DRG1: variants seen among roughly 807,000 people sequenced by gnomAD.
The protein encoded by DRG1 is developmentally regulated GTP binding protein 1.
In DRG1, 19 loss-of-function variants were observed where a neutral mutation model predicts 38.8. The observed-to-expected ratio is 0.49, with a 90% confidence interval of 0.34 to 0.72. DRG1 has a LOEUF of 0.72. Ranked by LOEUF, DRG1 falls within the 30% of genes least tolerant of loss-of-function variation. DRG1 has a pLI of 0.01. For synonymous variants in DRG1, 167 were observed against 157.5 expected, an observed-to-expected ratio of 1.06 and a Z score of -0.45; for missense variants, 299 against 444.8, an observed-to-expected ratio of 0.67 and a Z score of 2.95.
At chr22:31,411,144 T>C in intron 4 of DRG1, 63 bp downstream of exon 4, 1 of 1,560,938 alleles carries the variant, frequency 6.4e-7, no homozygotes, top group Non-Finnish European at 8.8e-7. Context: ...ATTCTTTTAG[T>C]CAGGGACTAC....
intron 4 of DRG1, among the ~76,000 whole-genome samples, chr22:31,417,942 G>A (rs972168796): frequency 2.0e-5 from 3 of 146,794 alleles, no homozygotes; most frequent in African/African-American, 5.1e-5. Context: ...AGCTGAGGTC[G>A]CACCAATGCA....
intron 8 of DRG1, among the ~76,000 whole-genome samples, chr22:31,429,202 T>C (rs2050126814): frequency 6.6e-6 from 1 of 152,170 alleles, no homozygotes; most frequent in Non-Finnish European, 1.5e-5. Context: ...CACTGCAACC[T>C]CTGGCTCCTG....
chr22:31,417,243 G>A (rs577361163), intron 4 of DRG1, among the ~76,000 whole-genome samples: 16 of 149,646 alleles, frequency 1.1e-4, no homozygotes, highest in Admixed American at 3.3e-4. Context: ...GGTGGTGCGC[G>A]CCTGTAGTCC....
intron 2 of DRG1, among the ~76,000 whole-genome samples, chr22:31,402,314 C>G (rs558901256): frequency 6.6e-6 from 1 of 151,920 alleles, no homozygotes; most frequent in South Asian, 2.1e-4. Context: ...AAAAGAAAAC[C>G]CAGTCAGTCA....
rs1436523893 is a variant in DRG1, at chr22:31,423,303, T to C, written c.606T>C (p.Ala202=). 3 of 1,614,118 alleles carry C rather than the reference T, an allele frequency of 1.9e-6. No homozygotes were observed. The highest frequency in any genetic ancestry group is 1.7e-6 in the Non-Finnish European group (2 of 1,180,022). ...TATCPQSELD[A]ETVKSILAEY... is the part of the protein sequence containing the mutation. ...AGTGCCCCCAGAGTGAGCTGGATGCTGAAACTGTGAAGAGCATTCTGGCTG... is the reference window on the plus strand; with the variant it reads ...AGTGCCCCCAGAGTGAGCTGGATGCCGAAACTGTGAAGAGCATTCTGGCTG... The change falls in exon 6 of 9, where the codon GCT becomes GCC. Residue 202 remains alanine, a synonymous_variant. Coordinates refer to ENST00000331457, the MANE Select transcript of DRG1 (RefSeq NM_004147.4).
chr22:31,420,261 C>T lies in DRG1; in HGVS notation c.418C>T (p.Arg140Ter), dbSNP rs1459583728. 1 of 1,613,418 alleles carries T rather than the reference C, an allele frequency of 6.2e-7. No individual in the cohort carries two copies. Among genetic ancestry groups the T allele is most frequent in the Non-Finnish European group, 8.5e-7 (1 of 1,179,612 alleles). ...GRGRQVIAVA[R>*]TCNLILIVLD... ...GTTTTTTTCTTACTCTTCAGTGGCC[C>T]GAACCTGTAACTTGATCTTGATTGT... is the stretch of plus-strand genomic sequence containing the variant. Residue 140 changes from arginine (R) to a stop codon, truncating the protein, a stop_gained, in exon 5 of 9, where the codon CGA becomes TGA. Transcript: ENST00000331457. LOFTEE classifies it high-confidence loss of function.
chr22:31,423,256 T>C, intron 5 of DRG1, 24 bp from the exon 6 acceptor site: 1 of 1,612,606 alleles, frequency 6.2e-7, no homozygotes, highest in South Asian at 1.1e-5. Flanking sequence ...TTGTGCTGAC[T>C]AGTCATCTGC....
chr22:31,416,136 C>T (rs1390468418), intron 4 of DRG1, among the ~76,000 whole-genome samples: 2 of 152,018 alleles, frequency 1.3e-5, no homozygotes, highest in East Asian at 3.9e-4. Context: ...CGGCAAAACC[C>T]GATCTCTACT....
chr22:31,422,201 G>C (rs2050080958), intron 5 of DRG1, among the ~76,000 whole-genome samples: 1 of 152,104 alleles, frequency 6.6e-6, no homozygotes, highest in South Asian at 2.1e-4. Flanking sequence ...GGAGGCCGAA[G>C]TGGGCAGATT....
At position 31,423,333 on chromosome 22, in the gene DRG1, C is replaced by T; in HGVS notation, c.636C>T (p.Tyr212=). 1 of 1,614,012 alleles carries T rather than the reference C, an allele frequency of 6.2e-7. No homozygotes were observed. Among genetic ancestry groups the T allele is most frequent in the Middle Eastern group, 1.6e-4 (1 of 6,062 alleles). ...AETVKSILAE[Y]KIHNADVTLR... ...CTGTGAAGAGCATTCTGGCTGAATA[C>T]AAGATTCATAATGCCGATGTGACTC... Residue 212 remains tyrosine, a synonymous_variant, in exon 6 of 9, where the codon TAC becomes TAT. Coordinates refer to ENST00000331457, the MANE Select transcript of DRG1 (RefSeq NM_004147.4).
intron 4 of DRG1, among the ~76,000 whole-genome samples, chr22:31,414,796 T>A (rs796280286): frequency 8.6e-5 from 13 of 151,092 alleles, no homozygotes; most frequent in African/African-American, 3.2e-4. Context: ...TTTTTTTTTT[T>A]AGAGATAGGA....
At chr22:31,405,820 C>G (rs1351564756) in intron 3 of DRG1, among the ~76,000 whole-genome samples, 1 of 151,942 alleles carries the variant, frequency 6.6e-6, no homozygotes, top group Non-Finnish European at 1.5e-5. Context: ...TCCCAAGTAG[C>G]TGGGATTACA....
intron 3 of DRG1, 118 bp from the exon 4 acceptor site, chr22:31,410,894 A>G: frequency 1.0e-6 from 1 of 989,828 alleles, no homozygotes; most frequent in Non-Finnish European, 1.5e-6. Flanking sequence ...TATAAGGAAG[A>G]TTGGATTTGG....
intron 4 of DRG1, among the ~76,000 whole-genome samples, chr22:31,411,719 G>C (rs1200957194): frequency 6.6e-6 from 1 of 151,002 alleles, no homozygotes; most frequent in Non-Finnish European, 1.5e-5. Flanking sequence ...TGGTAGAGAC[G>C]GAGTTTCACC....
In DRG1 at chr22:31,426,677, A is replaced by AT. The variant is rs1273728915; in HGVS notation, c.777dup (p.Ile260TyrfsTer4). Reference sequence around the variant, plus strand: ...GACCAAATCTCCATTGAGGAATTGGATATCATCTATAAGGTGCCTCACTGT... The same window carrying AT: ...GACCAAATCTCCATTGAGGAATTGGATTATCATCTATAAGGTGCCTCACTGT... On this transcript the variant is annotated frameshift_variant, in exon 7 of 9. Transcript: ENST00000331457. LOFTEE classifies it high-confidence loss of function. 1 of 1,613,942 alleles carries AT rather than the reference A, an allele frequency of 6.2e-7. No individual in the cohort carries two copies. The highest frequency in any genetic ancestry group is 1.3e-5 in the African/African-American group (1 of 74,910).
chr22:31,430,544 C>G (rs1403415800), intron 8 of DRG1, among the ~76,000 whole-genome samples: 1 of 151,754 alleles, frequency 6.6e-6, no homozygotes, highest in Non-Finnish European at 1.5e-5. Context: ...GGACTACAGG[C>G]ACCCGCCACC....
At chr22:31,426,510 T>G in intron 6 of DRG1, 105 bp from the exon 7 acceptor site, 1 of 966,888 alleles carries the variant, frequency 1.0e-6, no homozygotes, top group Non-Finnish European at 1.5e-6. Flanking sequence ...TTACAGTCCC[T>G]CTTGGGAGCG....
intron 3 of DRG1, among the ~76,000 whole-genome samples, chr22:31,409,410 G>A (rs946817275): frequency 6.6e-6 from 1 of 152,014 alleles, no homozygotes; most frequent in Non-Finnish European, 1.5e-5. Context: ...TTTTTACTGG[G>A]GACATACATC....
chr22:31,418,246 CA>C (rs1376237190), intron 4 of DRG1, among the ~76,000 whole-genome samples: 1 of 151,688 alleles, frequency 6.6e-6, no homozygotes, highest in Non-Finnish European at 1.5e-5. Flanking sequence ...AGTTCGAGAC[CA>C]ACCTGGGCAA....
Sources: gnomAD v4.1 joint callset for allele counts (sites outside exome capture counted in the v4.1 genomes callset) on GRCh38, gnomAD v4.1.1 for gene constraint, MANE v1.5 for transcripts, NCBI Gene and HGNC (gene_info 2026-07-23, HGNC 2026-07-21) for gene names.